SPATA13: variants seen among roughly 807,000 people sequenced by gnomAD.
The protein encoded by SPATA13 is spermatogenesis associated 13.
A neutral mutation model predicts 104.0 loss-of-function variants in SPATA13; 50 were observed. The observed-to-expected ratio is 0.48, with a 90% CI of 0.38 to 0.61. The LOEUF is 0.61. SPATA13 is among the 20% of genes least tolerant of loss of function. The pLI is 0.00. For synonymous variants in SPATA13, 606 were observed against 667.5 expected (o/e 0.91, Z 1.42); for missense variants, 1,524 against 1,690.6 (o/e 0.90, Z 1.73).
chr13:24,096,334 G>A (rs1301534963), intron 3 of SPATA13, among the ~76,000 whole-genome samples: 5 of 152,152 alleles, frequency 3.3e-5, no homozygotes, highest in Admixed American at 6.5e-5. Flanking sequence ...CGTGGCTCAC[G>A]CCTGTAATCC....
At chr13:24,273,325 G>A (rs1874755403) in intron 4 of SPATA13, among the ~76,000 whole-genome samples, 1 of 152,122 alleles carries the variant, frequency 6.6e-6, no homozygotes, top group African/African-American at 2.4e-5. Context: ...GTTGAATACT[G>A]ATGTGAAGCT....
chr13:24,048,227 C>T (rs2137737834), intron 3 of SPATA13, among the ~76,000 whole-genome samples: 2 of 152,334 alleles, frequency 1.3e-5, no homozygotes, highest in Middle Eastern at 6.8e-3. Flanking sequence ...CACTATCACA[C>T]ATTATGGTGT....
intron 9 of SPATA13, 49 bp downstream of exon 9, chr13:24,290,933 C>G (rs1876310417): frequency 3.4e-6 from 5 of 1,456,694 alleles, no homozygotes; most frequent in Non-Finnish European, 4.8e-6. Context: ...CTGCCATTAC[C>G]CGTAGGCAGC....
chr13:24,180,805 AT>A (rs930226974), intron 1 of SPATA13, among the ~76,000 whole-genome samples: 3 of 151,374 alleles, frequency 2.0e-5, no homozygotes, highest in Non-Finnish European at 2.9e-5. Context: ...CATGTGATGG[AT>A]TTTTTTTTCT....
At chr13:24,087,230 G>C (rs1879755072) in intron 3 of SPATA13, among the ~76,000 whole-genome samples, 1 of 152,224 alleles carries the variant, frequency 6.6e-6, no homozygotes, top group African/African-American at 2.4e-5. Flanking sequence ...GCAGGGGTGA[G>C]GCCCCAAGAC....
intron 1 of SPATA13, among the ~76,000 whole-genome samples, chr13:24,199,424 A>G (rs951847653): frequency 3.9e-5 from 6 of 152,250 alleles, no homozygotes; most frequent in African/African-American, 1.4e-4. Flanking sequence ...GTGCATCTGA[A>G]TAAACTTCTG....
chr13:24,211,228 G>C (rs868077933), intron 1 of SPATA13, among the ~76,000 whole-genome samples: 42 of 152,126 alleles, frequency 2.8e-4, no homozygotes, highest in Non-Finnish European at 1.8e-4. Context: ...CTTCCTTTCT[G>C]ATTCGGTTGC....
rs1299049291 is a variant in SPATA13 at position 24,051,099 on chromosome 13, C to T, written c.-112+33398C>T. Among the ~76,000 whole-genome samples, 1 of 152,188 alleles carries T rather than the reference C, an allele frequency of 6.6e-6. No homozygotes were observed. Among genetic ancestry groups the T allele is most frequent in the Non-Finnish European group, 1.5e-5 (1 of 68,042 alleles). On this transcript the variant is annotated intron_variant, in intron 3 of 14. Coordinates refer to the SPATA13 transcript ENST00000424834. This position sits in a 1 kb window ranked among gnomAD's most constrained non-coding sequence, Gnocchi z 4.2. ...TCTTTCCTTCTCCGGATTTCCCCCA[C>T]CTTTTATGAATGTCACTGAGCAAAT...
Position 24,306,956 on chromosome 13 carries a change from A to AT in SPATA13, c.*4188dup, listed in dbSNP as rs1304137415. On this transcript the variant is annotated 3_prime_UTR_variant, in exon 13 of 13. Transcript: ENST00000382108. Reference sequence around the variant, plus strand: ...ACAAGATTGATGTAACTTGATATGTATTTTTGTTGAAGTTTTTTGTAAAAA... The same window carrying AT: ...ACAAGATTGATGTAACTTGATATGTATTTTTTGTTGAAGTTTTTTGTAAAAA... 2 of 152,112 alleles carry AT rather than the reference A, an allele frequency of 1.3e-5. No homozygotes were observed. Among genetic ancestry groups the AT allele is most frequent in the Admixed American group, 1.3e-4 (2 of 15,270 alleles). 9.4% of individuals were successfully genotyped at this position (152,112 alleles called of 1,614,324 possible). A position where few individuals can be genotyped will look rare whatever the true frequency, so the allele number is the denominator to read the frequency against.
chr13:23,981,884 A>C (rs1874921342), intron 1 of SPATA13, among the ~76,000 whole-genome samples: 1 of 152,182 alleles, frequency 6.6e-6, no homozygotes, highest in African/African-American at 2.4e-5. Context: ...ACTGTGATGC[A>C]ATTTTCTTTT....
intron 1 of SPATA13, among the ~76,000 whole-genome samples, chr13:24,180,692 TCTC>T (rs1259155200): frequency 1.3e-5 from 2 of 152,190 alleles, no homozygotes; most frequent in Non-Finnish European, 2.9e-5. Flanking sequence ...GTTTTATACT[TCTC>T]CTGTTAAATT....
intron 3 of SPATA13, among the ~76,000 whole-genome samples, chr13:24,104,368 C>T (rs902662412): frequency 1.3e-5 from 2 of 151,848 alleles, no homozygotes; most frequent in Admixed American, 1.3e-4. Flanking sequence ...GCAATTTAGC[C>T]CACTCAATTT....
rs113793444 is a variant in SPATA13 at position 24,119,058 on chromosome 13, A to G, written c.-112+101357A>G. Reference sequence around the variant, plus strand: ...GTAGTTGGGCCTGCAGGCGCCTGCCACCGCTCCCTGCTAATTTTTTTTGTA... The same window carrying G: ...GTAGTTGGGCCTGCAGGCGCCTGCCGCCGCTCCCTGCTAATTTTTTTTGTA... On this transcript the variant is annotated intron_variant, in intron 3 of 14. Transcript: ENST00000424834. Among the ~76,000 whole-genome samples, 368 of 151,914 alleles carry G rather than the reference A, an allele frequency of 2.4e-3. 6 individuals carry two copies. The highest frequency in any genetic ancestry group is 8.2e-3 in the African/African-American group (340 of 41,402).
At chr13:24,022,945 TTA>T (rs1225605615) in intron 3 of SPATA13, among the ~76,000 whole-genome samples, 1 of 148,328 alleles carries the variant, frequency 6.7e-6, no homozygotes, top group Non-Finnish European at 1.5e-5. Flanking sequence ...TTCTTTTTTT[TTA>T]TTATTATTAT....
intron 2 of SPATA13, among the ~76,000 whole-genome samples, chr13:24,016,462 G>A (rs189744287): frequency 6.2e-4 from 94 of 152,328 alleles, no homozygotes; most frequent in South Asian, 2.3e-3. Context: ...AATTGGGAGC[G>A]TCCTTTGGTG....
intron 9 of SPATA13, among the ~76,000 whole-genome samples, chr13:24,292,995 CAAAAAAAAAAAA>C (rs34221097): frequency 4.2e-5 from 1 of 23,932 alleles, no homozygotes; most frequent in African/African-American, 2.0e-4. Context: ...GACTTTGTCT[CAAAAAAAAAAAA>C]AAAAAAAAAA....
chr13:24,245,647 A>G (rs988431659), intron 2 of SPATA13, among the ~76,000 whole-genome samples: 4 of 127,854 alleles, frequency 3.1e-5, no homozygotes, highest in African/African-American at 1.2e-4. Context: ...GCTGGATTGC[A>G]GTAGTGCAAT....
At chr13:24,263,768 T>C (rs917231588) in intron 4 of SPATA13, among the ~76,000 whole-genome samples, 4 of 152,256 alleles carry the variant, frequency 2.6e-5, no homozygotes, top group African/African-American at 7.2e-5. Flanking sequence ...AACCCACAGA[T>C]ACGGAGGACC....
In SPATA13 at chr13:24,088,879, A is replaced by C. The variant is rs530046636; in HGVS notation, c.-112+71178A>C. ...AGGCTGGCTCCAGGAAAGCGCAAGC[A>C]AGGGCTCCTGGGTCCACTGGTTCCT... On this transcript the variant is annotated intron_variant, in intron 3 of 14. Coordinates refer to the SPATA13 transcript ENST00000424834. This position sits in a 1 kb window ranked among gnomAD's most constrained non-coding sequence, Gnocchi z 4.3. 2.0e-5 allele frequency among the ~76,000 whole-genome samples: 3 copies of C among 152,336 alleles called. No homozygotes were observed. The East Asian group carries it at 5.8e-4, about 29-fold the overall frequency.
Sources: gnomAD v4.1 joint callset for allele counts (sites outside exome capture counted in the v4.1 genomes callset) on GRCh38, gnomAD v4.1.1 for gene constraint, Gnocchi (gnomAD v3.1) non-coding constraint, MANE v1.5 for transcripts, NCBI Gene and HGNC (gene_info 2026-07-23, HGNC 2026-07-21) for gene names.